The following SUZ12 variants were observed in gnomAD, a reference collection of about 807,000 sequenced individuals.
SUZ12 encodes the protein SUZ12 polycomb repressive complex 2 subunit.
SUZ12 carries 17 observed loss-of-function variants against 87.3 expected under a neutral mutation model. The observed-to-expected ratio is 0.19, with a 90% confidence interval of 0.13 to 0.29. The LOEUF (loss-of-function observed/expected upper bound fraction) is 0.29. Among genes scored for constraint, SUZ12 ranks in the 10% least tolerant of loss-of-function variants. The pLI, the probability that SUZ12 is intolerant of heterozygous loss-of-function variation, is 1.00. For missense variants in SUZ12, 526 were observed against 912.2 expected (o/e 0.58, Z 5.45); for synonymous variants, 253 against 312.4 (o/e 0.81, Z 2.01).
chr17:31,973,070 C>G (rs887422435), intron 5 of SUZ12, 76 bp from the exon 6 acceptor site: 17 of 1,373,762 alleles, frequency 1.2e-5, no homozygotes, highest in Non-Finnish European at 1.7e-5. Flanking sequence ...TTTGAAGTTC[C>G]CTGACTTGTT....
chr17:31,961,029 T>G (rs74457257), intron 4 of SUZ12, among the ~76,000 whole-genome samples: 1 of 151,814 alleles, frequency 6.6e-6, no homozygotes, highest in African/African-American at 2.4e-5. Context: ...CTGGGCAATA[T>G]GACGAAACCT....
At chr17:31,974,304 G>A (rs1162867987) in intron 6 of SUZ12, among the ~76,000 whole-genome samples, 2 of 152,210 alleles carry the variant, frequency 1.3e-5, no homozygotes, top group Non-Finnish European at 2.9e-5. Flanking sequence ...AGAGGCCAAG[G>A]TGGGCAGATC....
chr17:31,995,882 C>A (rs1156642416), intron 14 of SUZ12, 120 bp downstream of exon 14: 6 of 763,476 alleles, frequency 7.9e-6, no homozygotes, highest in Middle Eastern at 3.5e-4. Flanking sequence ...AAAAGGAATC[C>A]GGAAATGTAC....
intron 10 of SUZ12, among the ~76,000 whole-genome samples, chr17:31,992,374 A>G (rs898817891): frequency 1.3e-5 from 2 of 152,100 alleles, no homozygotes; most frequent in African/African-American, 4.8e-5. Flanking sequence ...TTACTTTTAT[A>G]ATTGTTTAGG....
intron 4 of SUZ12, 144 bp from the exon 5 acceptor site, chr17:31,966,001 TAG>T (rs1394073297): frequency 1.5e-6 from 1 of 656,780 alleles, no homozygotes; most frequent in Non-Finnish European, 2.5e-6. Flanking sequence ...AGGGAAAGCA[TAG>T]AGTCATGGGC....
chr17:31,981,419 T>C (rs1909095213), intron 8 of SUZ12, among the ~76,000 whole-genome samples: 1 of 152,152 alleles, frequency 6.6e-6, no homozygotes, highest in Non-Finnish European at 1.5e-5. Flanking sequence ...ACCAAAAAAC[T>C]TGATAAAGCA....
At position 31,993,894 on chromosome 17, in the gene SUZ12, A is replaced by G; in HGVS notation, c.1323A>G (p.Gln441=). 1 of 1,613,148 alleles carries G rather than the reference A, an allele frequency of 6.2e-7. No individual in the cohort carries two copies. Among genetic ancestry groups the G allele is most frequent in the Non-Finnish European group, 8.5e-7 (1 of 1,179,756 alleles). ...QFLYNNNTRQ[Q]TEARDDLHCP... ...TCTATAACAACAATACAAGGCAACA[A>G]ACTGAAGCAAGAGATGACCTGCATT... Residue 441 remains glutamine (Q), a synonymous_variant, in exon 12 of 16, where the codon CAA becomes CAG. Transcript: ENST00000322652.
Position 31,945,329 on chromosome 17 carries a change from C to G in SUZ12, c.387-2288C>G, listed in dbSNP as rs757727119. Among the ~76,000 whole-genome samples, 82 of 152,138 alleles carry G rather than the reference C, an allele frequency of 5.4e-4. 1 individual carries two copies. The highest frequency in any genetic ancestry group is 1.2e-4 in the Non-Finnish European group (8 of 68,034). ...ATATCACTCCCTTTAAAGTCATACT[C>G]TCAGTCGTGATATTAATTCTGGTAT... On this transcript the variant is annotated intron_variant, in intron 3 of 15. Transcript: ENST00000322652.
chr17:31,958,291 C>G (rs1907485808), intron 4 of SUZ12, among the ~76,000 whole-genome samples: 1 of 152,196 alleles, frequency 6.6e-6, no homozygotes, highest in Non-Finnish European at 1.5e-5. Flanking sequence ...CCACTTTGTC[C>G]TCCTAAAGTG....
intron 4 of SUZ12, among the ~76,000 whole-genome samples, chr17:31,959,959 GAACT>G (rs67944119): frequency 0.047 from 7,087 of 152,204 alleles, 524 homozygotes; most frequent in African/African-American, 0.16. Flanking sequence ...TGACATAGAT[GAACT>G]AAGTTTCTTA....
chr17:31,998,067 G>T (rs1377595489), intron 15 of SUZ12, among the ~76,000 whole-genome samples: 1 of 150,692 alleles, frequency 6.6e-6, no homozygotes, highest in Non-Finnish European at 1.5e-5. Flanking sequence ...GTGAAACCTT[G>T]TCTCTACTAA....
chr17:31,974,963 G>A (rs1908658373), intron 6 of SUZ12, among the ~76,000 whole-genome samples: 1 of 151,850 alleles, frequency 6.6e-6, no homozygotes, highest in Non-Finnish European at 1.5e-5. Flanking sequence ...GATTCTTTCT[G>A]TTAAACAACA....
At chr17:31,972,383 G>GTGTA (rs944753624) in intron 5 of SUZ12, among the ~76,000 whole-genome samples, 16 of 144,682 alleles carry the variant, frequency 1.1e-4, no homozygotes, top group African/African-American at 3.8e-4. Context: ...GTTTGTGTGT[G>GTGTA]TATATATATA....
chr17:31,938,334 G>A (rs536543146), intron 1 of SUZ12, among the ~76,000 whole-genome samples: 1 of 152,308 alleles, frequency 6.6e-6, no homozygotes, highest in Non-Finnish European at 1.5e-5. Flanking sequence ...GCTTTTGTGT[G>A]TTATAATTTG....
intron 10 of SUZ12, among the ~76,000 whole-genome samples, chr17:31,988,887 G>A (rs1310209191): frequency 6.6e-6 from 1 of 151,484 alleles, no homozygotes; most frequent in Non-Finnish European, 1.5e-5. Flanking sequence ...TGGCTAACAC[G>A]GTGAAACACC....
chr17:31,988,594 C>CT, intron 10 of SUZ12, 97 bp downstream of exon 10: 5 of 1,202,052 alleles, frequency 4.2e-6, no homozygotes, highest in African/African-American at 3.2e-5. Flanking sequence ...TTATGTGATT[C>CT]TTCTTTTTTT....
At chr17:31,971,776 T>C (rs564373887) in intron 5 of SUZ12, among the ~76,000 whole-genome samples, 72 of 152,224 alleles carry the variant, frequency 4.7e-4, no homozygotes, top group African/African-American at 1.5e-3. Flanking sequence ...AAGCTTTAAC[T>C]GTATTTGTCA....
chr17:31,994,707 T>C lies in SUZ12; in HGVS notation c.1581T>C (p.His527=), dbSNP rs148804361. 19 of 1,613,598 alleles carry C rather than the reference T, an allele frequency of 1.2e-5. No individual in the cohort carries two copies. Among genetic ancestry groups the C allele is most frequent in the Non-Finnish European group, 1.5e-5 (18 of 1,179,900 alleles). Residue 527 remains histidine (H), a synonymous_variant, in exon 13 of 16, where the codon CAT becomes CAC. Coordinates refer to ENST00000322652, the MANE Select transcript of SUZ12 (RefSeq NM_015355.4). ...NGPVKRTPIT[H]ILVCRPKRTK... is the part of the protein sequence containing the mutation. ...CAGTTAAGAGAACACCTATCACACA[T>C]ATTCTTGTGTGCAGGTAGGTAAAAA... is the stretch of plus-strand genomic sequence containing the variant.
chr17:31,985,280 G>A (rs472745), intron 9 of SUZ12, among the ~76,000 whole-genome samples: 16,212 of 150,130 alleles, frequency 0.11, 1,059 homozygotes, highest in Middle Eastern at 0.16. Flanking sequence ...TTTTGTCACA[G>A]TGTAGTAACT....
Sources: gnomAD v4.1 joint callset for allele counts (sites outside exome capture counted in the v4.1 genomes callset) on GRCh38, gnomAD v4.1.1 for gene constraint, MANE v1.5 for transcripts, NCBI Gene and HGNC (gene_info 2026-07-23, HGNC 2026-07-21) for gene names.